The following NBN variants were observed in gnomAD, a reference collection of about 807,000 sequenced individuals.
NBN encodes the protein Nijmegen breakage syndrome 1 (nibrin).
In NBN, 88 loss-of-function variants were observed where a neutral mutation model predicts 90.8. That is an observed-to-expected ratio of 0.97 (90% confidence interval 0.82 to 1.16). NBN has a LOEUF of 1.16. Among genes scored for constraint, NBN ranks in the 50% most tolerant of loss-of-function variants. The pLI, the probability that NBN is intolerant of heterozygous loss-of-function variation, is 0.00. For synonymous variants in NBN, 328 were observed against 295.1 expected (o/e 1.11, Z -1.14); for missense variants, 894 against 869.6 (o/e 1.03, Z -0.35).
rs146183296 is a variant in NBN at position 89,980,611 on chromosome 8, T to C, written c.480+123A>G. 6.8e-4 allele frequency: 510 copies of C among 747,730 alleles called. 1 individual carries two copies. In the African/African-American group the frequency reaches 7.8e-3, roughly 11 times the overall value. The allele number at this position is 747,730 out of a possible 1,614,324, so 46.3% of individuals were successfully genotyped here. A position where few individuals can be genotyped will look rare whatever the true frequency, so the allele number is the denominator to read the frequency against. On this transcript the variant is annotated intron_variant, in intron 4 of 15. Coordinates refer to ENST00000265433, the MANE Select transcript of NBN (RefSeq NM_002485.5). The stretch of plus-strand genomic sequence containing the variant: ...GGTATACAAAGGGATGGAGTGGGTA[T>C]ATATAAATCTACAACTAACAGTTCT...
At chr8:89,951,033 G>C (rs1038831306) in intron 11 of NBN, among the ~76,000 whole-genome samples, 2 of 151,976 alleles carry the variant, frequency 1.3e-5, no homozygotes, top group African/African-American at 4.8e-5. Context: ...AAAAAAGTGG[G>C]GTGGGGGTAG....
At chr8:89,976,918 T>G (rs1811785116) in intron 5 of NBN, among the ~76,000 whole-genome samples, 1 of 152,164 alleles carries the variant, frequency 6.6e-6, no homozygotes, top group African/African-American at 2.4e-5. Context: ...ACCTGATTTT[T>G]TATTACTTTT....
chr8:89,948,488 T>C (rs1303136490), intron 11 of NBN, among the ~76,000 whole-genome samples: 2 of 152,216 alleles, frequency 1.3e-5, no homozygotes, highest in African/African-American at 4.8e-5. Flanking sequence ...TGTATATTAG[T>C]CACAGTATCT....
chr8:89,946,148 A>T lies in NBN; in HGVS notation c.2062T>A (p.Phe688Ile), dbSNP rs746135009. Residue 688 changes from phenylalanine to isoleucine, a missense_variant, in exon 13 of 16, where the codon TTC becomes ATC. Phe to Ile is a conservative substitution (Grantham distance 21, BLOSUM62 0). Coordinates refer to ENST00000265433, the MANE Select transcript of NBN (RefSeq NM_002485.5). Reference sequence around the variant, plus strand: ...ACAGTTGAAATACCTACCTTTTTGAATTTCTTGAAATTTTTTAGTTGACCA... The same window carrying T: ...ACAGTTGAAATACCTACCTTTTTGATTTTCTTGAAATTTTTTAGTTGACCA... ...DYGQLKNFKK[F>I]KKVTYPGAGK... The T allele has an allele frequency of 6.3e-7, 1 of 1,585,384 alleles. No individual in the cohort carries two copies. Among genetic ancestry groups the T allele is most frequent in the Non-Finnish European group, 8.7e-7 (1 of 1,155,584 alleles).
intron 11 of NBN, among the ~76,000 whole-genome samples, chr8:89,949,576 A>C (rs1381573283): frequency 6.6e-6 from 1 of 152,184 alleles, no homozygotes; most frequent in African/African-American, 2.4e-5. Flanking sequence ...CACAGCTATC[A>C]TTCGTATAAG....
At position 89,934,901 on chromosome 8, in the gene NBN, G is replaced by A; in HGVS notation, c.*681C>T. The A allele has an allele frequency of 4.3e-6, 1 of 232,772 alleles. No homozygotes were observed. Among genetic ancestry groups the A allele is most frequent in the Non-Finnish European group, 8.5e-6 (1 of 117,812 alleles). The allele number at this position is 232,772 out of a possible 1,614,324, so 14.4% of individuals were successfully genotyped here. ...GTAAGACCACCAAAAAGGGGTACAG[G>A]TCTTTCCATTCTGGTGAAAACTAAA... On this transcript the variant is annotated 3_prime_UTR_variant, in exon 16 of 16. Transcript: ENST00000265433.
rs1563490241 is a variant in NBN at position 89,933,458 on chromosome 8, C to T, written c.*2124G>A. ...GGACAAACATTTCAGTGTAACCAAA[C>T]AGAAAGTCCAGAAACAGATCCACCA... On this transcript the variant is annotated 3_prime_UTR_variant, in exon 16 of 16. Transcript: ENST00000265433. The T allele has an allele frequency of 4.4e-6, 1 of 229,214 alleles. No individual in the cohort carries two copies. Among genetic ancestry groups the T allele is most frequent in the Non-Finnish European group, 8.6e-6 (1 of 115,730 alleles). The allele number at this position is 229,214 out of a possible 1,614,324, so 14.2% of individuals were successfully genotyped here.
chr8:89,959,921 C>A (rs1168313059), intron 8 of NBN, among the ~76,000 whole-genome samples: 1 of 152,200 alleles, frequency 6.6e-6, no homozygotes, highest in Admixed American at 6.5e-5. Context: ...ATGCTTGGAA[C>A]ATAGTAAGCA....
At chr8:89,935,788 T>C (rs1362737155) in intron 15 of NBN, 176 bp from the exon 16 acceptor site, 2 of 285,724 alleles carry the variant, frequency 7.0e-6, no homozygotes, top group Non-Finnish European at 1.1e-5. Context: ...CCCTTTGATG[T>C]TGCTTTGATG....
chr8:89,976,013 C>G (rs879666358), intron 5 of NBN, among the ~76,000 whole-genome samples: 8 of 152,070 alleles, frequency 5.3e-5, no homozygotes, highest in African/African-American at 1.7e-4. Context: ...GTGCTTTCAA[C>G]TTCTTTTTTT....
At chr8:89,961,255 G>A (rs1245154788) in intron 8 of NBN, among the ~76,000 whole-genome samples, 2 of 152,100 alleles carry the variant, frequency 1.3e-5, no homozygotes, top group African/African-American at 4.8e-5. Context: ...CTCCACACTG[G>A]AAAACATAAT....
At position 89,984,610 on chromosome 8, in the gene NBN, G is replaced by T. The variant is rs919235957; in HGVS notation, c.-49C>A. The T allele has an allele frequency of 1.2e-6, 2 of 1,607,068 alleles. No homozygotes were observed. Among genetic ancestry groups the T allele is most frequent in the African/African-American group, 2.7e-5 (2 of 74,914 alleles). Reference sequence around the variant, plus strand: ...GCCGACGTGCAACCGCGTAACCGGGGCTGCTAGACGAGCGCGGATACGGCG... The same window carrying T: ...GCCGACGTGCAACCGCGTAACCGGGTCTGCTAGACGAGCGCGGATACGGCG... On this transcript the variant is annotated 5_prime_UTR_variant, in exon 1 of 16. Transcript: ENST00000265433.
At chr8:89,961,139 T>C (rs1810972221) in intron 8 of NBN, among the ~76,000 whole-genome samples, 1 of 152,200 alleles carries the variant, frequency 6.6e-6, no homozygotes, top group African/African-American at 2.4e-5. Flanking sequence ...TACCTTAACT[T>C]TTCTCAGCCT....
At chr8:89,946,585 A>G (rs1049027711) in intron 12 of NBN, 1 of 334,402 alleles carries the variant, frequency 3.0e-6, no homozygotes, top group African/African-American at 2.2e-5. Context: ...TCTAATAAAT[A>G]TCATCTCAGT....
chr8:89,964,138 A>ATG (rs13312892), intron 8 of NBN, among the ~76,000 whole-genome samples: 3 of 152,066 alleles, frequency 2.0e-5, no homozygotes, highest in African/African-American at 7.2e-5. Context: ...TGAACTTACC[A>ATG]TGTGTGTGTG....
chr8:89,957,247 C>T (rs532171738), intron 9 of NBN, among the ~76,000 whole-genome samples: 3 of 152,252 alleles, frequency 2.0e-5, no homozygotes, highest in South Asian at 2.1e-4. Context: ...GCAATGACTG[C>T]GATGATCCTA....
At chr8:89,981,624 C>T in intron 2 of NBN, 101 bp from the exon 3 acceptor site, 1 of 1,221,488 alleles carries the variant, frequency 8.2e-7, no homozygotes, top group Non-Finnish European at 1.2e-6. Flanking sequence ...GGTGGCTAAC[C>T]TCCCAACACG....
Position 89,933,678 on chromosome 8 carries a change from A to G in NBN, c.*1904T>C. The G allele has an allele frequency of 4.3e-6, 1 of 232,498 alleles. No homozygotes were observed. The highest frequency in any genetic ancestry group is 8.5e-6 in the Non-Finnish European group (1 of 117,652). 14.4% of individuals were successfully genotyped at this position (232,498 alleles called of 1,614,324 possible). Reference sequence around the variant, plus strand: ...ATATAAAGTTTATATAATAGAGCAGAATATCTGAAATCTTGGGGTTAAATT... The same window carrying G: ...ATATAAAGTTTATATAATAGAGCAGGATATCTGAAATCTTGGGGTTAAATT... On this transcript the variant is annotated 3_prime_UTR_variant, in exon 16 of 16. Coordinates refer to ENST00000265433, the MANE Select transcript of NBN (RefSeq NM_002485.5).
intron 5 of NBN, among the ~76,000 whole-genome samples, chr8:89,972,922 T>C (rs1337776291): frequency 4.6e-5 from 7 of 152,236 alleles, no homozygotes; most frequent in Non-Finnish European, 1.0e-4. Flanking sequence ...TTAAATTATC[T>C]ACAGCTTTCT....
Sources: allele counts gnomAD v4.1 joint callset (sites outside exome capture counted in the v4.1 genomes callset), GRCh38; gene constraint gnomAD v4.1.1; transcripts MANE v1.5; gene names NCBI Gene and HGNC (gene_info 2026-07-23, HGNC 2026-07-21).